Variants in SEPTIN9 observed in about 807,000 individuals in gnomAD.
The protein encoded by SEPTIN9 is septin-9.
In SEPTIN9, 13 loss-of-function variants were observed where a neutral mutation model predicts 56.6. The observed-to-expected ratio is 0.23, with a 90% CI of 0.15 to 0.37. SEPTIN9 has a LOEUF of 0.37. Among genes scored for constraint, SEPTIN9 ranks in the 10% least tolerant of loss-of-function variants. The pLI is 1.00. For synonymous variants in SEPTIN9, 332 were observed against 334.1 expected (o/e 0.99, Z 0.07); for missense variants, 650 against 823.1 (o/e 0.79, Z 2.57).
rs2036203025 is a variant in SEPTIN9, at chr17:77,409,288, G to A, written c.721+6585G>A. ...AAGTCCCGCATGTGCTGGGGGAACA[G>A]GAATCAATGCGGGAGGATTGGCCAG... On this transcript the variant is annotated intron_variant, in intron 3 of 11. Transcript: ENST00000427177. Among the ~76,000 whole-genome samples the A allele has an allele frequency of 2.4e-5, 3 of 125,102 alleles. No individual in the cohort carries two copies. The South Asian group carries it at 7.1e-4, about 29-fold the overall frequency. The allele number at this position is 125,102 out of a possible 152,430, so 82.1% of individuals were successfully genotyped here.
intron 2 of SEPTIN9, among the ~76,000 whole-genome samples, chr17:77,372,317 G>C (rs1351168686): frequency 2.0e-5 from 3 of 152,186 alleles, no homozygotes; most frequent in African/African-American, 7.2e-5. Flanking sequence ...TTGAGGATGA[G>C]AGCCTGTTGC....
intron 2 of SEPTIN9, among the ~76,000 whole-genome samples, chr17:77,395,793 A>T: frequency 6.6e-6 from 1 of 152,148 alleles, no homozygotes; most frequent in East Asian, 1.9e-4. Context: ...GGCATTTCTC[A>T]TCTTCAAAAA....
At chr17:77,401,467 C>A (rs975093956) in intron 2 of SEPTIN9, among the ~76,000 whole-genome samples, 3 of 152,090 alleles carry the variant, frequency 2.0e-5, no homozygotes. Flanking sequence ...AAATCAAGGC[C>A]GGGCACGGTG....
rs535848894 is a variant in SEPTIN9 at position 77,397,541 on chromosome 17, A to T, written c.77-4518A>T. Among the ~76,000 whole-genome samples, 154 of 152,334 alleles carry T rather than the reference A, an allele frequency of 1.0e-3. 2 individuals are homozygous for T. Among genetic ancestry groups the T allele is most frequent in the East Asian group, 7.7e-4 (4 of 5,178 alleles). On this transcript the variant is annotated intron_variant, in intron 2 of 11. Transcript: ENST00000427177. ...TGGGGGTCACTAGTCAACCCTCTAC[A>T]GAACCTCAGACGAAAGTGAATCTTC...
intron 3 of SEPTIN9, among the ~76,000 whole-genome samples, chr17:77,427,501 G>A (rs1448721207): frequency 4.6e-5 from 7 of 152,214 alleles, no homozygotes; most frequent in Admixed American, 1.3e-4. Flanking sequence ...CCGGGCTCTG[G>A]CAATGGGCTG....
chr17:77,288,889 C>T (rs555717683), intron 1 of SEPTIN9, among the ~76,000 whole-genome samples: 41 of 152,212 alleles, frequency 2.7e-4, no homozygotes, highest in African/African-American at 7.2e-4. Flanking sequence ...ACACAGAGGC[C>T]GGCACCGAGG....
rs575371602 is a variant in SEPTIN9 at position 77,445,219 on chromosome 17, G to A, written c.722-36925G>A. ...TGTGGGTAGAAATGTGGGCTGCCTC[G>A]GGGCGTCACAGCTACAAATGCATAC... On this transcript the variant is annotated intron_variant, in intron 3 of 11. Coordinates refer to ENST00000427177, the MANE Select transcript of SEPTIN9 (RefSeq NM_001113491.2). This position sits in a 1 kb window ranked among gnomAD's most constrained non-coding sequence, Gnocchi z 4.7. 24 of 470,966 alleles carry A rather than the reference G, an allele frequency of 5.1e-5. No individual in the cohort carries two copies. Among genetic ancestry groups the A allele is most frequent in the African/African-American group, 3.8e-4 (19 of 50,206 alleles). 29.2% of individuals were successfully genotyped at this position (470,966 alleles called of 1,614,324 possible).
chr17:77,468,243 C>T (rs894515628), intron 3 of SEPTIN9, among the ~76,000 whole-genome samples: 5 of 151,964 alleles, frequency 3.3e-5, no homozygotes, highest in Admixed American at 6.6e-5. Flanking sequence ...CCAGCCTGGG[C>T]GACAGAGTGA....
At chr17:77,479,101 A>G (rs553694969) in intron 3 of SEPTIN9, among the ~76,000 whole-genome samples, 4 of 152,374 alleles carry the variant, frequency 2.6e-5, no homozygotes, top group Non-Finnish European at 5.9e-5. Context: ...TTACACAACA[A>G]TGCGAATGTA....
chr17:77,373,600 C>G, intron 2 of SEPTIN9: 2 of 1,535,036 alleles, frequency 1.3e-6, no homozygotes, highest in African/African-American at 1.4e-5. Flanking sequence ...TGGAGAGGAC[C>G]CTGCGGGTGG....
At chr17:77,349,269 A>G (rs1267787451) in intron 2 of SEPTIN9, among the ~76,000 whole-genome samples, 1 of 152,094 alleles carries the variant, frequency 6.6e-6, no homozygotes, top group Non-Finnish European at 1.5e-5. Context: ...GGCATGTGCC[A>G]TCATACCCAG....
intron 2 of SEPTIN9, among the ~76,000 whole-genome samples, chr17:77,348,702 C>G (rs1471231761): frequency 6.6e-6 from 1 of 152,172 alleles, no homozygotes; most frequent in Non-Finnish European, 1.5e-5. Context: ...TTAGAATTAA[C>G]ATTGTTTTTC....
At chr17:77,372,957 A>G (rs1269896721) in intron 2 of SEPTIN9, among the ~76,000 whole-genome samples, 4 of 152,160 alleles carry the variant, frequency 2.6e-5, no homozygotes, top group Non-Finnish European at 5.9e-5. Flanking sequence ...AGCCTCCTGC[A>G]GAAGGACCCT....
intron 2 of SEPTIN9, chr17:77,373,177 T>G (rs906800618): frequency 2.3e-5 from 24 of 1,065,592 alleles, no homozygotes; most frequent in Non-Finnish European, 2.6e-5. Context: ...CAGCGGCCAC[T>G]CGGGCCCCAG....
chr17:77,395,152 GATCCTCTAGCCTC>G (rs1165654413), intron 2 of SEPTIN9, among the ~76,000 whole-genome samples: 1 of 151,926 alleles, frequency 6.6e-6, no homozygotes, highest in Non-Finnish European at 1.5e-5. Flanking sequence ...TGGCTCAAGC[GATCCTCTAGCCTC>G]AGGTTCCCAA....
intron 3 of SEPTIN9, among the ~76,000 whole-genome samples, chr17:77,448,129 G>C (rs530196243): frequency 3.5e-4 from 53 of 152,204 alleles, no homozygotes; most frequent in South Asian, 1.2e-3. Context: ...TCATAATATG[G>C]TCCAAATCAA....
rs1261546241 is a variant in SEPTIN9 at position 77,493,020 on chromosome 17, A to G, written c.1517A>G (p.Tyr506Cys). The G allele has an allele frequency of 6.4e-6, 10 of 1,570,720 alleles. No homozygotes were observed. Among genetic ancestry groups the G allele is most frequent in the Non-Finnish European group, 8.6e-6 (10 of 1,158,298 alleles). Residue 506 changes from tyrosine (Y) to cysteine (C), a missense_variant, in exon 10 of 12, where the codon TAC becomes TGC. Transcript: ENST00000427177. The part of the protein sequence containing the change: ...PFAVVGSDHE[Y>C]QVNGKRILGR... ...GCTGTGGTGGGCAGTGACCACGAGT[A>G]CCAGGTCAACGGCAAGAGGATCCTT...
intron 3 of SEPTIN9, among the ~76,000 whole-genome samples, chr17:77,417,736 G>A (rs992237145): frequency 2.0e-5 from 3 of 152,108 alleles, no homozygotes; most frequent in South Asian, 2.1e-4. Flanking sequence ...GTCTATATCC[G>A]CATTCATGTG....
rs2040066554 is a variant in SEPTIN9, at chr17:77,492,348, G to A, written c.1381-273G>A. 6.6e-6 allele frequency among the ~76,000 whole-genome samples: 1 copy of A among 152,184 alleles called. No homozygotes were observed. ...CTGAGTACTTTCTTGGGGCTGTGAT[G>A]AGCAGGAGAAGAGAGGTGGGAGGTG... On this transcript the variant is annotated intron_variant, in intron 8 of 11. Transcript: ENST00000427177. The surrounding 1 kb of genome is among the most constrained non-coding windows in gnomAD (Gnocchi z 5.4).
Sources: allele counts gnomAD v4.1 joint callset (sites outside exome capture counted in the v4.1 genomes callset), GRCh38; gene constraint gnomAD v4.1.1; non-coding constraint Gnocchi (gnomAD v3.1); transcripts MANE v1.5; gene names NCBI Gene and HGNC (gene_info 2026-07-23, HGNC 2026-07-21).